Variants in CAST observed in about 807,000 individuals in gnomAD.
CAST encodes MIR583 host.
Under a neutral mutation model 119.6 loss-of-function variants are expected in CAST, and 76 were observed. The observed-to-expected ratio is 0.64, with a 90% CI of 0.53 to 0.77. CAST has a LOEUF of 0.77. Ranked by LOEUF, CAST falls within the 30% of genes least tolerant of loss-of-function variation. The probability of loss-of-function intolerance (pLI) is 0.00; values close to 1 mark genes in which losing one functional copy is unlikely to be tolerated. For synonymous variants in CAST, 319 were observed against 331.6 expected, an observed-to-expected ratio of 0.96 and a Z score of 0.41; for missense variants, 953 against 946.5, an observed-to-expected ratio of 1.01 and a Z score of -0.09.
chr5:96,128,216 C>T, the CAST span, among the ~76,000 whole-genome samples: 21 of 152,078 alleles, frequency 1.4e-4, no homozygotes, highest in Non-Finnish European at 2.4e-4. Flanking sequence ...GAGCATTTAG[C>T]AGGTTTATCA....
chr5:96,304,346 T>A, the CAST span, among the ~76,000 whole-genome samples: 1 of 152,360 alleles, frequency 6.6e-6, no homozygotes, highest in Non-Finnish European at 1.5e-5. Flanking sequence ...ATTCTGGATA[T>A]TAGCCCTTTG....
At chr5:96,637,175 T>G (rs902796166) in intron 1 of CAST, among the ~76,000 whole-genome samples, 2 of 152,234 alleles carry the variant, frequency 1.3e-5, no homozygotes, top group Non-Finnish European at 2.9e-5. Context: ...TAATGTAATT[T>G]TATTACTATA....
chr5:96,421,950 C>G, the CAST span: 2 of 1,487,122 alleles, frequency 1.3e-6, no homozygotes, highest in Non-Finnish European at 1.9e-6. Context: ...TAGCTAGCCT[C>G]TGGATCCTAA....
chr5:96,282,004 G>A, the CAST span, among the ~76,000 whole-genome samples: 7 of 152,144 alleles, frequency 4.6e-5, no homozygotes, highest in African/African-American at 1.4e-4. Flanking sequence ...GCTCTTATAG[G>A]CTCCACTTGA....
the CAST span, among the ~76,000 whole-genome samples, chr5:96,031,848 G>T: frequency 6.6e-6 from 1 of 152,132 alleles, no homozygotes; most frequent in Non-Finnish European, 1.5e-5. Context: ...CTGTGGATCA[G>T]GAATTTGGGA....
the CAST span, among the ~76,000 whole-genome samples, chr5:96,417,533 C>T: frequency 6.6e-6 from 1 of 151,842 alleles, no homozygotes; most frequent in African/African-American, 2.4e-5. Context: ...GCTTTAAGTT[C>T]CATGTGAGTC....
chr5:96,317,218 C>T, the CAST span, among the ~76,000 whole-genome samples: 60 of 151,088 alleles, frequency 4.0e-4, no homozygotes, highest in African/African-American at 1.3e-3. Context: ...AATCCTAGCA[C>T]TTTGGGAGGC....
upstream of CAST, among the ~76,000 whole-genome samples, chr5:96,527,598 T>G (rs1745616770): frequency 6.6e-6 from 1 of 152,182 alleles, no homozygotes; most frequent in Non-Finnish European, 1.5e-5. Context: ...CTAATGTCAG[T>G]ATCGTTAAGA....
At chr5:96,507,874 G>A in the CAST span, among the ~76,000 whole-genome samples, 1 of 152,072 alleles carries the variant, frequency 6.6e-6, no homozygotes, top group Admixed American at 6.6e-5. Context: ...ACCGTCAGTA[G>A]AAGGTGCCAA....
the CAST span, among the ~76,000 whole-genome samples, chr5:96,351,023 T>C: frequency 6.6e-6 from 1 of 152,172 alleles, no homozygotes; most frequent in Admixed American, 6.6e-5. Context: ...TTTATTTATC[T>C]ACAAAATGTG....
intron 3 of CAST, among the ~76,000 whole-genome samples, chr5:96,716,617 AT>A (rs1421754482): frequency 6.6e-6 from 1 of 151,958 alleles, no homozygotes; most frequent in South Asian, 2.1e-4. Context: ...TGAGGAAAGG[AT>A]TTTTTTTCAC....
chr5:96,746,948 T>C (rs114627747), intron 17 of CAST, among the ~76,000 whole-genome samples: 1 of 152,178 alleles, frequency 6.6e-6, no homozygotes, highest in African/African-American at 2.4e-5. Flanking sequence ...TTCTAAGTTA[T>C]GAAACCTCAT....
At chr5:96,167,123 T>A in the CAST span, among the ~76,000 whole-genome samples, 4 of 152,140 alleles carry the variant, frequency 2.6e-5, no homozygotes, top group Non-Finnish European at 4.4e-5. Flanking sequence ...GAAACAGGTA[T>A]TAAAGTACTA....
At chr5:96,728,750 T>TCCC (rs1759831178) in intron 6 of CAST, 1 of 161,494 alleles carries the variant, frequency 6.2e-6, no homozygotes, top group Admixed American at 6.1e-5. Flanking sequence ...GTGCTGGGAT[T>TCCC]ACAGGCGTGA....
the CAST span, among the ~76,000 whole-genome samples, chr5:96,153,103 C>A: frequency 4.6e-5 from 7 of 152,190 alleles, no homozygotes; most frequent in African/African-American, 1.7e-4. Flanking sequence ...TGAAACATTT[C>A]AAAAATCAGC....
At chr5:96,321,596 C>G in the CAST span, among the ~76,000 whole-genome samples, 1 of 152,116 alleles carries the variant, frequency 6.6e-6, no homozygotes. Context: ...TTAATTGGCT[C>G]TTGAAGGAAT....
chr5:96,724,960 C>T (rs1758990706), intron 4 of CAST, among the ~76,000 whole-genome samples: 1 of 152,126 alleles, frequency 6.6e-6, no homozygotes, highest in Admixed American at 6.5e-5. Flanking sequence ...CATCCTGTTG[C>T]CTGATTCTAA....
the CAST span, among the ~76,000 whole-genome samples, chr5:96,366,515 C>T: frequency 5.2e-4 from 79 of 152,322 alleles, 1 homozygote; most frequent in South Asian, 0.016. Context: ...TTCTTGGAGG[C>T]TTTGTTCCTT....
chr5:96,722,197 G>C (rs1208482294), intron 3 of CAST, among the ~76,000 whole-genome samples: 1 of 152,200 alleles, frequency 6.6e-6, no homozygotes, highest in Non-Finnish European at 1.5e-5. Context: ...CAAAGTCACA[G>C]AGCTTGTAAC....
Sources: allele counts gnomAD v4.1 joint callset (sites outside exome capture counted in the v4.1 genomes callset), GRCh38; gene constraint gnomAD v4.1.1; transcripts MANE v1.5; gene names NCBI Gene and HGNC (gene_info 2026-07-23, HGNC 2026-07-21).